The following CDK6 variants were observed in gnomAD, a reference collection of about 807,000 sequenced individuals.
CDK6 encodes cyclin-dependent kinase 6.
Under a neutral mutation model 37.1 loss-of-function variants are expected in CDK6, and 6 were observed. The ratio of observed to expected loss-of-function variants is 0.16; its 90% CI spans 0.09 to 0.32. The LOEUF (loss-of-function observed/expected upper bound fraction) is 0.32, where lower values mean the gene tolerates loss of function less well. Among genes scored for constraint, CDK6 ranks in the 10% least tolerant of loss-of-function variants. The pLI is 1.00. For missense variants in CDK6, 224 were observed against 418.9 expected (o/e 0.53, Z 4.06); for synonymous variants, 160 against 161.3 (o/e 0.99, Z 0.06).
intron 3 of CDK6, among the ~76,000 whole-genome samples, chr7:92,755,720 G>A (rs1584054470): frequency 6.6e-6 from 1 of 152,122 alleles, no homozygotes; most frequent in Non-Finnish European, 1.5e-5. Context: ...CTCTTCCAAA[G>A]CCTCCTAAGG....
intron 3 of CDK6, among the ~76,000 whole-genome samples, chr7:92,767,381 C>T (rs1237728753): frequency 6.6e-6 from 1 of 152,116 alleles, no homozygotes; most frequent in East Asian, 1.9e-4. Context: ...TATGTATGTT[C>T]CTGATTGGAG....
intron 4 of CDK6, among the ~76,000 whole-genome samples, chr7:92,672,160 T>TATACACACAC (rs1210519115): frequency 2.5e-5 from 2 of 79,078 alleles, no homozygotes; most frequent in African/African-American, 5.5e-5. Context: ...TATATATATA[T>TATACACACAC]ACACATACAC....
intron 3 of CDK6, among the ~76,000 whole-genome samples, chr7:92,764,062 A>C (rs938005834): frequency 1.1e-4 from 17 of 151,714 alleles, no homozygotes; most frequent in Non-Finnish European, 1.2e-4. Flanking sequence ...TAAAAAAAAA[A>C]CCTGTTGGGT....
rs1203845414 is a variant in CDK6, at chr7:92,608,881, G to A, written c.*6259C>T. ...GCCTCTCTCCTGCCAAAGGGGCGGG[G>A]CAACGAGGCAGCGCGCCCGGAAGGC... On this transcript the variant is annotated 3_prime_UTR_variant, in exon 8 of 8. Transcript: ENST00000424848. The A allele has an allele frequency of 4.7e-5, 11 of 232,360 alleles. No individual in the cohort carries two copies. Among genetic ancestry groups the A allele is most frequent in the Non-Finnish European group, 8.5e-5 (10 of 117,546 alleles). The allele number at this position is 232,360 out of a possible 1,614,324, so 14.4% of individuals were successfully genotyped here. A position where few individuals can be genotyped will look rare whatever the true frequency, so the allele number is the denominator to read the frequency against.
Position 92,609,196 on chromosome 7 carries a change from G to A in CDK6, c.*5944C>T, listed in dbSNP as rs1163384442. On this transcript the variant is annotated 3_prime_UTR_variant, in exon 8 of 8. Coordinates refer to ENST00000424848, the MANE Select transcript of CDK6 (RefSeq NM_001145306.2). ...GTCTGCCACTCAAAAGGAATAAGCT[G>A]CTTTCTGTGGTGCTGTGCTAAGGAA... The A allele has an allele frequency of 4.3e-6, 1 of 232,694 alleles. No homozygotes were observed. The highest frequency in any genetic ancestry group is 2.2e-5 in the African/African-American group (1 of 45,282). 14.4% of individuals were successfully genotyped at this position (232,694 alleles called of 1,614,324 possible). A position where few individuals can be genotyped will look rare whatever the true frequency, so the allele number is the denominator to read the frequency against.
intron 2 of CDK6, among the ~76,000 whole-genome samples, chr7:92,822,772 G>C (rs1215484399): frequency 6.6e-6 from 1 of 152,038 alleles, no homozygotes; most frequent in Non-Finnish European, 1.5e-5. Context: ...TTGCAGAATT[G>C]TAAGAATGAT....
At chr7:92,777,094 G>A (rs554905793) in intron 2 of CDK6, among the ~76,000 whole-genome samples, 6 of 152,226 alleles carry the variant, frequency 3.9e-5, no homozygotes, top group Admixed American at 1.3e-4. Context: ...GTATAAGGAA[G>A]GGGTCCAGTT....
At chr7:92,633,684 G>C (rs1319592208) in intron 5 of CDK6, among the ~76,000 whole-genome samples, 1 of 149,978 alleles carries the variant, frequency 6.7e-6, no homozygotes, top group Non-Finnish European at 1.5e-5. Flanking sequence ...AAATGGAAGT[G>C]TCAATGTGGA....
At chr7:92,625,258 A>C (rs1414232169) in intron 5 of CDK6, among the ~76,000 whole-genome samples, 7 of 143,724 alleles carry the variant, frequency 4.9e-5, no homozygotes, top group South Asian at 2.2e-4. Context: ...ACACACACAC[A>C]CCTCTCTTAT....
intron 4 of CDK6, among the ~76,000 whole-genome samples, chr7:92,697,704 G>A (rs73710439): frequency 2.2e-3 from 329 of 152,178 alleles, no homozygotes; most frequent in African/African-American, 7.5e-3. Context: ...TATTTTATTG[G>A]GGACTCCAAG....
chr7:92,692,247 G>C (rs1797614279), intron 4 of CDK6, among the ~76,000 whole-genome samples: 1 of 151,070 alleles, frequency 6.6e-6, no homozygotes, highest in Non-Finnish European at 1.5e-5. Flanking sequence ...GCCTGAACAA[G>C]AGTGAAACTC....
chr7:92,707,025 T>C (rs1270038158), intron 4 of CDK6, among the ~76,000 whole-genome samples: 4 of 152,182 alleles, frequency 2.6e-5, no homozygotes, highest in Non-Finnish European at 5.9e-5. Flanking sequence ...GAGAGAATGG[T>C]CTCCCTAAGA....
At chr7:92,670,046 A>G (rs1384640184) in intron 5 of CDK6, among the ~76,000 whole-genome samples, 1 of 152,192 alleles carries the variant, frequency 6.6e-6, no homozygotes, top group Non-Finnish European at 1.5e-5. Context: ...TTTCAGTATT[A>G]CTTTTTCTCC....
At chr7:92,628,349 T>A (rs1007889906) in intron 5 of CDK6, among the ~76,000 whole-genome samples, 1 of 144,666 alleles carries the variant, frequency 6.9e-6, no homozygotes, top group African/African-American at 2.6e-5. Flanking sequence ...TCTGTTCACC[T>A]CACTTCTTCA....
At chr7:92,654,933 T>G (rs538050960) in intron 5 of CDK6, among the ~76,000 whole-genome samples, 1 of 151,564 alleles carries the variant, frequency 6.6e-6, no homozygotes, top group Non-Finnish European at 1.5e-5. Context: ...GCAGCCTCAA[T>G]CTCCCAGGCT....
At chr7:92,815,539 G>C (rs866134187) in intron 2 of CDK6, among the ~76,000 whole-genome samples, 1 of 152,176 alleles carries the variant, frequency 6.6e-6, no homozygotes, top group Admixed American at 6.5e-5. Flanking sequence ...AGAGGACTGT[G>C]ATCCCTGAGA....
rs1795638347 is a variant in CDK6 at position 92,614,826 on chromosome 7, C to T, written c.*314G>A. ...GCCTGGATTACCCACTCCACACTGGCAGCATTCAAGGTTAGAAAAATCAAA... is the reference window on the plus strand; with the variant it reads ...GCCTGGATTACCCACTCCACACTGGTAGCATTCAAGGTTAGAAAAATCAAA... On this transcript the variant is annotated 3_prime_UTR_variant, in exon 8 of 8. Coordinates refer to ENST00000424848, the MANE Select transcript of CDK6 (RefSeq NM_001145306.2). 5.4e-6 allele frequency: 2 copies of T among 371,358 alleles called. No homozygotes were observed. Among genetic ancestry groups the T allele is most frequent in the Non-Finnish European group, 9.9e-6 (2 of 201,094 alleles). 23.0% of individuals were successfully genotyped at this position (371,358 alleles called of 1,614,324 possible). A position where few individuals can be genotyped will look rare whatever the true frequency, so the allele number is the denominator to read the frequency against.
At chr7:92,706,832 A>C (rs1368211393) in intron 4 of CDK6, among the ~76,000 whole-genome samples, 1 of 152,220 alleles carries the variant, frequency 6.6e-6, no homozygotes, top group East Asian at 1.9e-4. Context: ...AACTGTCTGG[A>C]TTTGTGCATT....
At chr7:92,683,262 G>T (rs1031675883) in intron 4 of CDK6, among the ~76,000 whole-genome samples, 3 of 152,158 alleles carry the variant, frequency 2.0e-5, no homozygotes, top group Non-Finnish European at 2.9e-5. Flanking sequence ...ATTTGTAAAA[G>T]AATTTAAAAA....
Sources: allele counts gnomAD v4.1 joint callset (sites outside exome capture counted in the v4.1 genomes callset), GRCh38; gene constraint gnomAD v4.1.1; transcripts MANE v1.5; gene names NCBI Gene and HGNC (gene_info 2026-07-23, HGNC 2026-07-21).